NBDY: variants seen among roughly 807,000 people sequenced by gnomAD.
The protein encoded by NBDY is negative regulator of P-body association.
At chrX:56,735,945 CAAAAAAA>C (rs35820296) in intron 2 of NBDY, among the ~76,000 whole-genome samples, 2 of 64,361 alleles carry the variant, frequency 3.1e-5, no homozygotes, top group Admixed American at 1.9e-4. Flanking sequence ...ATCTGACTAG[CAAAAAAA>C]AAAAAAAAAA....
chrX:56,748,518 TAGA>T (rs751114986), intron 2 of NBDY, among the ~76,000 whole-genome samples: 12 of 108,521 alleles, frequency 1.1e-4, no homozygotes, highest in African/African-American at 4.0e-4. Flanking sequence ...TTAAATAATC[TAGA>T]AGAAGGTATA....
intron 2 of NBDY, among the ~76,000 whole-genome samples, chrX:56,788,604 C>A (rs1025051862): frequency 9.0e-6 from 1 of 111,680 alleles, no homozygotes; most frequent in African/African-American, 3.3e-5. Context: ...ACACTCAGCA[C>A]CCCGTAGCTC....
intron 2 of NBDY, among the ~76,000 whole-genome samples, chrX:56,786,724 T>C (rs933856726): frequency 9.1e-6 from 1 of 110,274 alleles, no homozygotes; most frequent in African/African-American, 3.3e-5. Flanking sequence ...CTGCTTCAGC[T>C]TTTTTTCCCC....
chrX:56,807,295 G>T (rs1028541204), intron 2 of NBDY, among the ~76,000 whole-genome samples: 67 of 111,791 alleles, frequency 6.0e-4, no homozygotes, highest in Non-Finnish European at 6.6e-4. Flanking sequence ...TTGGCTATTT[G>T]GGCTCTTTTT....
intron 2 of NBDY, chrX:56,737,094 A>G (rs2146712677): frequency 4.2e-6 from 2 of 477,039 alleles, no homozygotes; most frequent in East Asian, 8.2e-5. Context: ...TTCAGTAGTT[A>G]TTCAGTATAA....
intron 2 of NBDY, among the ~76,000 whole-genome samples, chrX:56,756,534 A>G (rs1761252595): frequency 9.0e-6 from 1 of 111,520 alleles, no homozygotes; most frequent in South Asian, 3.8e-4. Flanking sequence ...GGTTATAAAA[A>G]AAGAGTTAGT....
intron 2 of NBDY, among the ~76,000 whole-genome samples, chrX:56,736,124 C>G (rs1362095403): frequency 1.8e-5 from 2 of 111,553 alleles, no homozygotes; most frequent in Non-Finnish European, 3.8e-5. Flanking sequence ...TCCTGCCGCA[C>G]GCAGCAATGA....
chrX:56,731,924 A>G, intron 1 of NBDY, 139 bp from the exon 2 acceptor site: 1 of 262,265 alleles, frequency 3.8e-6, no homozygotes, highest in Non-Finnish European at 6.7e-6. Flanking sequence ...CCCTTCTAAT[A>G]CTATGTATAC....
intron 2 of NBDY, among the ~76,000 whole-genome samples, chrX:56,785,492 C>T (rs2069722454): frequency 9.0e-6 from 1 of 111,317 alleles, no homozygotes; most frequent in African/African-American, 3.3e-5. Flanking sequence ...CCTCCGGGTA[C>T]AGTCGTCTAG....
At chrX:56,800,595 G>A (rs1467383884) in intron 2 of NBDY, among the ~76,000 whole-genome samples, 1 of 111,789 alleles carries the variant, frequency 8.9e-6, no homozygotes, top group East Asian at 2.8e-4. Flanking sequence ...CATTTGGGCA[G>A]CCACCTTTCC....
intron 2 of NBDY, among the ~76,000 whole-genome samples, chrX:56,793,756 C>A (rs1016449318): frequency 5.8e-4 from 64 of 110,859 alleles, no homozygotes; most frequent in African/African-American, 2.1e-3. Flanking sequence ...TAGGATGGCA[C>A]CCTGGCTCCA....
At chrX:56,762,511 G>A (rs2069642966) in intron 2 of NBDY, among the ~76,000 whole-genome samples, 1 of 111,400 alleles carries the variant, frequency 9.0e-6, no homozygotes, top group African/African-American at 3.3e-5. Context: ...CACATGTTCA[G>A]TTCCTCTGGT....
chrX:56,805,558 G>T (rs897488287), intron 2 of NBDY, among the ~76,000 whole-genome samples: 1 of 111,932 alleles, frequency 8.9e-6, no homozygotes, highest in Non-Finnish European at 1.9e-5. Flanking sequence ...TCCAATATTT[G>T]CTGGCAGAGG....
At chrX:56,793,667 G>A (rs1569290794) in intron 2 of NBDY, among the ~76,000 whole-genome samples, 1 of 111,080 alleles carries the variant, frequency 9.0e-6, no homozygotes, top group Non-Finnish European at 1.9e-5. Context: ...GGGCACAAAA[G>A]AGATGGTGGC....
At chrX:56,763,563 A>T (rs957240911) in intron 2 of NBDY, among the ~76,000 whole-genome samples, 4 of 112,597 alleles carry the variant, frequency 3.6e-5, no homozygotes, top group African/African-American at 1.3e-4. Context: ...GGTGACCAGC[A>T]CCTTGTCCTG....
intron 2 of NBDY, among the ~76,000 whole-genome samples, chrX:56,755,312 C>T (rs1466993519): frequency 8.9e-6 from 1 of 112,286 alleles, no homozygotes. Flanking sequence ...AACTAAAGAG[C>T]TTCTGCACAG....
chrX:56,804,672 A>G (rs1292667571), intron 2 of NBDY, among the ~76,000 whole-genome samples: 3 of 111,936 alleles, frequency 2.7e-5, no homozygotes, highest in Non-Finnish European at 5.6e-5. Flanking sequence ...TTTGATACCG[A>G]GCACTCTGGG....
At chrX:56,795,768 TTTTCATATGTAG>T (rs1471094774) in intron 2 of NBDY, among the ~76,000 whole-genome samples, 7 of 112,339 alleles carry the variant, frequency 6.2e-5, no homozygotes, top group African/African-American at 2.3e-4. Context: ...GCAGGTCCTT[TTTTCATATGTAG>T]GTAGCATCCA....
At chrX:56,784,422 G>A (rs748383332) in intron 2 of NBDY, among the ~76,000 whole-genome samples, 22 of 111,681 alleles carry the variant, frequency 2.0e-4, no homozygotes, top group Non-Finnish European at 4.0e-4. Context: ...GCCCAGGGGT[G>A]GGAGGGGTAT....
Sources: allele counts gnomAD v4.1 joint callset (sites outside exome capture counted in the v4.1 genomes callset), GRCh38; gene constraint gnomAD v4.1.1; transcripts MANE v1.5; gene names NCBI Gene and HGNC (gene_info 2026-07-23, HGNC 2026-07-21).